RABEP1: variants seen among roughly 807,000 people sequenced by gnomAD.
The protein encoded by RABEP1 is rabaptin, RAB GTPase binding effector protein 1, also known as rab GTPase-binding effector protein 1.
Under a neutral mutation model 123.4 loss-of-function variants are expected in RABEP1, and 51 were observed. The observed-to-expected ratio is 0.41, with a 90% CI of 0.33 to 0.52. The LOEUF is 0.52. Among genes scored for constraint, RABEP1 ranks in the 20% least tolerant of loss-of-function variants. The pLI is 0.16. For missense variants in RABEP1, 888 were observed against 996.3 expected (o/e 0.89, Z 1.46); for synonymous variants, 347 against 355.2 (o/e 0.98, Z 0.26).
chr17:5,362,404 C>T (rs902417705), intron 9 of RABEP1, among the ~76,000 whole-genome samples: 2 of 152,178 alleles, frequency 1.3e-5, no homozygotes, highest in Admixed American at 1.3e-4. Flanking sequence ...CTGGTGCTTT[C>T]CTTGACTGAG....
At chr17:5,372,779 T>TG (rs1476482484) in intron 12 of RABEP1, among the ~76,000 whole-genome samples, 3 of 151,464 alleles carry the variant, frequency 2.0e-5, no homozygotes, top group African/African-American at 4.9e-5. Flanking sequence ...TTTTTTGAGA[T>TG]GGAGTCTTGC....
chr17:5,342,591 G>GC (rs1555522568), intron 5 of RABEP1, among the ~76,000 whole-genome samples: 3 of 152,126 alleles, frequency 2.0e-5, no homozygotes, highest in Non-Finnish European at 4.4e-5. Context: ...GGGCAGTAGA[G>GC]CGAGACTCTG....
chr17:5,284,182 T>C (rs1235110520), intron 1 of RABEP1: 1 of 152,204 alleles, frequency 6.6e-6, no homozygotes, highest in Non-Finnish European at 1.5e-5. Context: ...TCTTTGAAGA[T>C]ATGAAATGGT....
intron 2 of RABEP1, among the ~76,000 whole-genome samples, chr17:5,317,095 C>T (rs1460677494): frequency 6.6e-6 from 1 of 152,088 alleles, no homozygotes; most frequent in South Asian, 2.1e-4. Flanking sequence ...CACATCCCCA[C>T]TTATTCTTTG....
chr17:5,370,158 A>G (rs1159201317), intron 12 of RABEP1, among the ~76,000 whole-genome samples: 1 of 152,232 alleles, frequency 6.6e-6, no homozygotes, highest in Admixed American at 6.5e-5. Context: ...ACCATAAAGA[A>G]GAGAAACTCA....
intron 2 of RABEP1, among the ~76,000 whole-genome samples, chr17:5,331,323 G>A (rs1405495268): frequency 6.6e-6 from 1 of 152,082 alleles, no homozygotes; most frequent in Non-Finnish European, 1.5e-5. Flanking sequence ...AGTGACTGTT[G>A]TTAAGGGTAT....
chr17:5,371,961 C>T (rs767900159), intron 12 of RABEP1, among the ~76,000 whole-genome samples: 27 of 152,088 alleles, frequency 1.8e-4, no homozygotes, highest in Non-Finnish European at 3.4e-4. Context: ...AGAGCATCAT[C>T]TACATGTATG....
At chr17:5,323,698 C>T (rs1905621629) in intron 2 of RABEP1, among the ~76,000 whole-genome samples, 1 of 96,892 alleles carries the variant, frequency 1.0e-5, no homozygotes, top group Non-Finnish European at 1.9e-5. Flanking sequence ...ATATCTCTCT[C>T]TAGGAATATA....
At chr17:5,364,160 G>GAT (rs1282768631) in intron 10 of RABEP1, among the ~76,000 whole-genome samples, 1 of 152,232 alleles carries the variant, frequency 6.6e-6, no homozygotes, top group Non-Finnish European at 1.5e-5. Flanking sequence ...GTTGGCCCCT[G>GAT]ATAGTGTGGT....
intron 4 of RABEP1, among the ~76,000 whole-genome samples, chr17:5,336,285 T>C (rs920184988): frequency 2.0e-5 from 3 of 152,208 alleles, no homozygotes; most frequent in African/African-American, 7.2e-5. Flanking sequence ...AGAACTGTTT[T>C]TGATTATCTG....
At chr17:5,338,574 T>TA (rs1338843337) in intron 5 of RABEP1, among the ~76,000 whole-genome samples, 1 of 152,058 alleles carries the variant, frequency 6.6e-6, no homozygotes, top group East Asian at 1.9e-4. Context: ...GTCTCAATAA[T>TA]AAAAAATAAA....
intron 12 of RABEP1, among the ~76,000 whole-genome samples, chr17:5,369,947 C>T (rs1449873462): frequency 1.3e-5 from 2 of 152,202 alleles, no homozygotes; most frequent in Admixed American, 1.3e-4. Flanking sequence ...GATCCACCCG[C>T]GTTGGCCTCC....
At chr17:5,333,843 A>G (rs1906792366) in intron 3 of RABEP1, among the ~76,000 whole-genome samples, 1 of 152,216 alleles carries the variant, frequency 6.6e-6, no homozygotes, top group Non-Finnish European at 1.5e-5. Context: ...TTCAGTCTGC[A>G]TCAGAAAAGC....
chr17:5,288,818 C>G (rs558822252), intron 1 of RABEP1, among the ~76,000 whole-genome samples: 91 of 152,350 alleles, frequency 6.0e-4, no homozygotes, highest in African/African-American at 1.9e-3. Flanking sequence ...ATTCTCGTGC[C>G]TCAGCCCCTC....
At chr17:5,342,940 AGTGG>A (rs1466259718) in intron 5 of RABEP1, among the ~76,000 whole-genome samples, 2 of 152,204 alleles carry the variant, frequency 1.3e-5, no homozygotes, top group East Asian at 3.8e-4. Context: ...ATTACAAATC[AGTGG>A]GTGAAGAATG....
intron 2 of RABEP1, among the ~76,000 whole-genome samples, chr17:5,313,474 C>A (rs1379744842): frequency 6.6e-6 from 1 of 152,076 alleles, no homozygotes; most frequent in African/African-American, 2.4e-5. Flanking sequence ...TGTTAGGGTT[C>A]CTTTGTTTTC....
Position 5,385,159 on chromosome 17 carries a change from C to A in RABEP1, c.*1936C>A, listed in dbSNP as rs1191959850. The A allele has an allele frequency of 4.4e-6, 1 of 229,622 alleles. No individual in the cohort carries two copies. The highest frequency in any genetic ancestry group is 8.6e-6 in the Non-Finnish European group (1 of 115,920). 14.2% of individuals were successfully genotyped at this position (229,622 alleles called of 1,614,324 possible). ...GAATTCACTTTATTGTAGAAAAACC[C>A]AAACTGAGACTCTTAAGTTTTGTTT... On this transcript the variant is annotated 3_prime_UTR_variant, in exon 18 of 18. Transcript: ENST00000537505.
chr17:5,334,773 C>T (rs1335620364), intron 3 of RABEP1, among the ~76,000 whole-genome samples: 1 of 152,100 alleles, frequency 6.6e-6, no homozygotes, highest in East Asian at 1.9e-4. Context: ...GAAATATATC[C>T]CTTTTCGTAT....
chr17:5,346,943 T>A lies in RABEP1; in HGVS notation c.784+18T>A, dbSNP rs779501632. 1.0e-5 allele frequency: 16 copies of A among 1,542,976 alleles called. No individual in the cohort carries two copies. Among genetic ancestry groups the A allele is most frequent in the Non-Finnish European group, 3.5e-6 (4 of 1,141,916 alleles). ...GCATGAAGGTAAATATACTGTATAT[T>A]TTTATCTTTGTCTCTAAGAACCATA... On this transcript the variant is annotated intron_variant, in intron 6 of 17. Coordinates refer to ENST00000537505, the MANE Select transcript of RABEP1 (RefSeq NM_004703.6).
Sources: gnomAD v4.1 joint callset for allele counts (sites outside exome capture counted in the v4.1 genomes callset) on GRCh38, gnomAD v4.1.1 for gene constraint, MANE v1.5 for transcripts, NCBI Gene and HGNC (gene_info 2026-07-23, HGNC 2026-07-21) for gene names.